Variants in TAFA4 observed in about 807,000 individuals in gnomAD.
The protein encoded by TAFA4 is chemokine-like protein TAFA-4.
A neutral mutation model predicts 21.1 loss-of-function variants in TAFA4; 20 were observed. That is an observed-to-expected ratio of 0.95 (90% CI 0.67 to 1.38). The LOEUF (loss-of-function observed/expected upper bound fraction) is 1.38. Among genes scored for constraint, TAFA4 ranks in the 40% most tolerant of loss-of-function variants. TAFA4 has a pLI of 0.00. For missense variants in TAFA4, 211 were observed against 180.9 expected, an observed-to-expected ratio of 1.17 and a Z score of -0.95; for synonymous variants, 71 against 67.4, an observed-to-expected ratio of 1.05 and a Z score of -0.26.
intron 4 of TAFA4, among the ~76,000 whole-genome samples, chr3:68,741,824 CACTT>C (rs1702360805): frequency 6.6e-6 from 1 of 151,306 alleles, no homozygotes; most frequent in African/African-American, 2.5e-5. Context: ...AAAAACTCTC[CACTT>C]TCTCTTCCAA....
At chr3:68,745,630 C>CTGTT (rs1330560373) in intron 4 of TAFA4, among the ~76,000 whole-genome samples, 2 of 152,170 alleles carry the variant, frequency 1.3e-5, no homozygotes, top group Non-Finnish European at 2.9e-5. Context: ...TGATAATTAG[C>CTGTT]TGTTTTGCTT....
chr3:68,927,207 G>A (rs1382285928), intron 1 of TAFA4, among the ~76,000 whole-genome samples: 1 of 152,190 alleles, frequency 6.6e-6, no homozygotes, highest in East Asian at 1.9e-4. Flanking sequence ...TTTAAAGTCT[G>A]TGGTTTTAGG....
intron 3 of TAFA4, among the ~76,000 whole-genome samples, chr3:68,779,108 G>A (rs549719755): frequency 1.2e-4 from 18 of 152,212 alleles, no homozygotes; most frequent in Non-Finnish European, 2.1e-4. Context: ...TTAGCAAAGA[G>A]AGTGGCAGCA....
At chr3:68,839,738 T>C (rs1704614047) in intron 3 of TAFA4, among the ~76,000 whole-genome samples, 2 of 152,296 alleles carry the variant, frequency 1.3e-5, no homozygotes, top group East Asian at 1.9e-4. Context: ...GATCCTTCAC[T>C]ACAGAAGTTT....
intron 1 of TAFA4, among the ~76,000 whole-genome samples, chr3:68,918,696 T>C (rs546361471): frequency 4.6e-4 from 70 of 152,214 alleles, no homozygotes; most frequent in Non-Finnish European, 8.2e-4. Context: ...CATCTAACCA[T>C]GCCTGCTTAA....
chr3:68,893,186 C>A (rs549301923), intron 1 of TAFA4, among the ~76,000 whole-genome samples: 2 of 152,258 alleles, frequency 1.3e-5, no homozygotes, highest in East Asian at 3.9e-4. Context: ...CAATAGCCAA[C>A]ATAAATTTTG....
chr3:68,780,268 G>A (rs1033568397), intron 3 of TAFA4, among the ~76,000 whole-genome samples: 1 of 152,230 alleles, frequency 6.6e-6, no homozygotes, highest in Non-Finnish European at 1.5e-5. Flanking sequence ...ACAATGGACT[G>A]TGAACTTTTG....
chr3:68,784,204 G>C (rs1703207067), intron 3 of TAFA4, among the ~76,000 whole-genome samples: 1 of 152,206 alleles, frequency 6.6e-6, no homozygotes, highest in Non-Finnish European at 1.5e-5. Context: ...AGTGTTAAGA[G>C]AGATTATGAG....
chr3:68,896,243 A>G (rs2089788265), intron 1 of TAFA4, among the ~76,000 whole-genome samples: 1 of 152,136 alleles, frequency 6.6e-6, no homozygotes, highest in Admixed American at 6.5e-5. Flanking sequence ...GTGGTATAAG[A>G]GTTTTAAGCA....
chr3:68,806,334 A>G, intron 3 of TAFA4, among the ~76,000 whole-genome samples: 1 of 152,232 alleles, frequency 6.6e-6, no homozygotes, highest in East Asian at 1.9e-4. Context: ...CTGCTTTAAA[A>G]ACTGTCAAAA....
chr3:68,733,615 T>TA (rs1702190438), intron 5 of TAFA4, among the ~76,000 whole-genome samples: 1 of 152,160 alleles, frequency 6.6e-6, no homozygotes, highest in African/African-American at 2.4e-5. Context: ...TATTATCCAT[T>TA]AAAAAGGTAG....
intron 1 of TAFA4, among the ~76,000 whole-genome samples, chr3:68,917,979 A>G (rs1363550406): frequency 1.3e-5 from 2 of 152,130 alleles, no homozygotes; most frequent in Non-Finnish European, 2.9e-5. Context: ...TTTTCGAAGC[A>G]TTTTCACATA....
chr3:68,823,852 C>G (rs1344620002), intron 3 of TAFA4, among the ~76,000 whole-genome samples: 2 of 152,192 alleles, frequency 1.3e-5, no homozygotes, highest in Non-Finnish European at 1.5e-5. Flanking sequence ...GGTACATATA[C>G]AAGATCTTTT....
At chr3:68,786,128 T>C (rs1703255652) in intron 3 of TAFA4, among the ~76,000 whole-genome samples, 1 of 152,190 alleles carries the variant, frequency 6.6e-6, no homozygotes, top group African/African-American at 2.4e-5. Flanking sequence ...CTGGATGACA[T>C]GGAGAGCATT....
At chr3:68,801,705 G>A (rs1212571298) in intron 3 of TAFA4, among the ~76,000 whole-genome samples, 1 of 152,138 alleles carries the variant, frequency 6.6e-6, no homozygotes, top group African/African-American at 2.4e-5. Context: ...AGGCCAAACT[G>A]CAAAATCAAG....
chr3:68,850,727 AG>A (rs911807793), intron 3 of TAFA4, among the ~76,000 whole-genome samples: 1 of 117,154 alleles, frequency 8.5e-6, no homozygotes, highest in South Asian at 2.5e-4. Context: ...CATTTTTAAC[AG>A]GGTTTTTTTT....
chr3:68,822,473 T>C (rs910289625), intron 3 of TAFA4, among the ~76,000 whole-genome samples: 1 of 152,120 alleles, frequency 6.6e-6, no homozygotes, highest in Non-Finnish European at 1.5e-5. Context: ...AAAATTCTTT[T>C]TTTCTCTCTC....
chr3:68,760,304 T>G (rs745956553), intron 3 of TAFA4, among the ~76,000 whole-genome samples: 1 of 152,144 alleles, frequency 6.6e-6, no homozygotes, highest in African/African-American at 2.4e-5. Flanking sequence ...TTTCAAACAA[T>G]AGAAAAAATA....
intron 1 of TAFA4, among the ~76,000 whole-genome samples, chr3:68,929,087 T>C (rs914152752): frequency 1.3e-5 from 2 of 151,826 alleles, no homozygotes; most frequent in Admixed American, 6.6e-5. Context: ...AGATACCAAA[T>C]AGATGGGAAG....
Sources: allele counts gnomAD v4.1 joint callset (sites outside exome capture counted in the v4.1 genomes callset), GRCh38; gene constraint gnomAD v4.1.1; transcripts MANE v1.5; gene names NCBI Gene and HGNC (gene_info 2026-07-23, HGNC 2026-07-21).